Variants in SLC9B1 observed in about 807,000 individuals in gnomAD.
The protein encoded by SLC9B1 is sodium/hydrogen exchanger 9B1.
Under a neutral mutation model 51.7 loss-of-function variants are expected in SLC9B1, and 32 were observed. The ratio of observed to expected loss-of-function variants is 0.62; its 90% confidence interval spans 0.47 to 0.83. The LOEUF is 0.83. Ranked by LOEUF, SLC9B1 falls within the 40% of genes least tolerant of loss-of-function variation. SLC9B1 has a pLI of 0.00. For missense variants in SLC9B1, 406 were observed against 613.2 expected, an observed-to-expected ratio of 0.66 and a Z score of 3.57; for synonymous variants, 145 against 212.7, an observed-to-expected ratio of 0.68 and a Z score of 2.77.
rs200236065 is a variant in SLC9B1, at chr4:102,906,527, T to G, written c.1195+9A>C. ...AATTTCATATTTTTTGTGCTCTAAT[T>G]ATTCTTACCAACAATATTTGATTCA... On this transcript the variant is annotated intron_variant, in intron 10 of 11. Coordinates refer to ENST00000296422, the MANE Select transcript of SLC9B1 (RefSeq NM_139173.4). The G allele has an allele frequency of 8.5e-7, 1 of 1,180,456 alleles. No individual in the cohort carries two copies. Among genetic ancestry groups the G allele is most frequent in the South Asian group, 1.4e-5 (1 of 72,734 alleles). The allele number at this position is 1,180,456 out of a possible 1,614,324, so 73.1% of individuals were successfully genotyped here. A position where few individuals can be genotyped will look rare whatever the true frequency, so the allele number is the denominator to read the frequency against.
chr4:102,985,512 A>T (rs1739566492), intron 3 of SLC9B1, among the ~76,000 whole-genome samples: 1 of 149,966 alleles, frequency 6.7e-6, no homozygotes, highest in Non-Finnish European at 1.5e-5. Context: ...ACATGCGTTT[A>T]CAACTAATAC....
At chr4:102,921,208 A>G (rs1463571884) in intron 7 of SLC9B1, among the ~76,000 whole-genome samples, 2 of 152,234 alleles carry the variant, frequency 1.3e-5, no homozygotes, top group Non-Finnish European at 2.9e-5. Flanking sequence ...CTAACAGTGG[A>G]TCTCTCAGCA....
chr4:102,997,140 G>A (rs763289160), intron 1 of SLC9B1, among the ~76,000 whole-genome samples: 9 of 152,020 alleles, frequency 5.9e-5, no homozygotes, highest in Non-Finnish European at 1.3e-4. Context: ...CACTTTTGTT[G>A]TTCTTCAGAA....
intron 1 of SLC9B1, among the ~76,000 whole-genome samples, chr4:103,013,300 T>C (rs1741169990): frequency 6.6e-6 from 1 of 152,242 alleles, no homozygotes; most frequent in African/African-American, 2.4e-5. Flanking sequence ...TAAATAAAGC[T>C]TCCTGCAATG....
chr4:102,992,472 T>C (rs1739994375), intron 1 of SLC9B1, among the ~76,000 whole-genome samples: 1 of 152,176 alleles, frequency 6.6e-6, no homozygotes, highest in African/African-American at 2.4e-5. Context: ...ATCTATACTT[T>C]TCTAAAAGGA....
At chr4:102,912,783 G>A (rs763979848) in intron 7 of SLC9B1, among the ~76,000 whole-genome samples, 1 of 152,092 alleles carries the variant, frequency 6.6e-6, no homozygotes, top group African/African-American at 2.4e-5. Context: ...GTAGGCTGAG[G>A]GAGGAGGTCC....
intron 11 of SLC9B1, among the ~76,000 whole-genome samples, chr4:102,886,202 A>C (rs891774132): frequency 2.0e-5 from 3 of 152,168 alleles, no homozygotes; most frequent in Non-Finnish European, 4.4e-5. Flanking sequence ...AAACGAATAC[A>C]CGCAGGCCAG....
At chr4:102,924,559 G>T (rs1736060333) in intron 7 of SLC9B1, among the ~76,000 whole-genome samples, 1 of 152,140 alleles carries the variant, frequency 6.6e-6, no homozygotes, top group Non-Finnish European at 1.5e-5. Context: ...TGACAAATGG[G>T]ATCTAATTAA....
intron 1 of SLC9B1, among the ~76,000 whole-genome samples, chr4:102,999,519 C>T (rs546323513): frequency 5.9e-5 from 9 of 152,204 alleles, no homozygotes; most frequent in Non-Finnish European, 1.2e-4. Flanking sequence ...TCTATCTTGG[C>T]TTAAGGTCAT....
intron 3 of SLC9B1, among the ~76,000 whole-genome samples, chr4:102,967,289 A>T (rs964519214): frequency 4.6e-5 from 7 of 152,116 alleles, no homozygotes; most frequent in African/African-American, 1.7e-4. Context: ...AACTTGTCCA[A>T]CTTCTGCCCA....
intron 7 of SLC9B1, 36 bp downstream of exon 7, chr4:102,932,088 T>C (rs376954769): frequency 1.2e-6 from 2 of 1,601,912 alleles, no homozygotes; most frequent in Non-Finnish European, 1.7e-6. Context: ...AAAAAGGTCA[T>C]GAATGATCTA....
intron 1 of SLC9B1, among the ~76,000 whole-genome samples, chr4:102,992,625 G>A (rs1200461749): frequency 6.6e-6 from 1 of 152,072 alleles, no homozygotes; most frequent in Admixed American, 6.6e-5. Flanking sequence ...AATCATAACT[G>A]AATTTATAAC....
chr4:102,955,538 G>C (rs533039828), intron 3 of SLC9B1, among the ~76,000 whole-genome samples: 65 of 152,234 alleles, frequency 4.3e-4, no homozygotes, highest in African/African-American at 1.5e-3. Flanking sequence ...ATTTGGTATG[G>C]AGTAGAGGGA....
chr4:103,003,610 T>G (rs1297916452), intron 1 of SLC9B1, among the ~76,000 whole-genome samples: 2 of 152,210 alleles, frequency 1.3e-5, no homozygotes, highest in South Asian at 2.1e-4. Context: ...CCTTTTGCAC[T>G]GCTGAGGCAG....
intron 1 of SLC9B1, among the ~76,000 whole-genome samples, chr4:103,007,346 A>G (rs572619370): frequency 6.6e-6 from 1 of 152,336 alleles, no homozygotes; most frequent in South Asian, 2.1e-4. Flanking sequence ...CTGTGAGCCA[A>G]ATCAAGAACA....
chr4:102,929,360 G>A (rs1333832079), intron 7 of SLC9B1, among the ~76,000 whole-genome samples: 2 of 152,110 alleles, frequency 1.3e-5, no homozygotes, highest in Non-Finnish European at 2.9e-5. Context: ...CTCTGACCTT[G>A]AGTAAATTAC....
intron 1 of SLC9B1, among the ~76,000 whole-genome samples, chr4:103,002,287 C>T (rs1192165851): frequency 2.0e-5 from 3 of 152,182 alleles, no homozygotes; most frequent in Non-Finnish European, 4.4e-5. Context: ...TTAACATCTT[C>T]AATGTTACAT....
intron 6 of SLC9B1, among the ~76,000 whole-genome samples, chr4:102,940,592 A>G (rs1315237696): frequency 6.6e-6 from 1 of 152,180 alleles, no homozygotes; most frequent in Non-Finnish European, 1.5e-5. Context: ...CAAAGCCAAA[A>G]GCATCACACT....
chr4:103,018,535 G>A lies in SLC9B1; in HGVS notation c.-2+1064C>T, dbSNP rs113968043. ...AAGTGTCATTTTTCATGCTTCTGTT[G>A]CACACATAATTATATTTATCTCTAA... On this transcript the variant is annotated intron_variant, in intron 1 of 11. Transcript: ENST00000296422. 2.4e-3 allele frequency among the ~76,000 whole-genome samples: 362 copies of A among 152,210 alleles called. 1 individual carries two copies. The highest frequency in any genetic ancestry group is 8.4e-3 in the African/African-American group (350 of 41,526).
Sources: allele counts gnomAD v4.1 joint callset (sites outside exome capture counted in the v4.1 genomes callset), GRCh38; gene constraint gnomAD v4.1.1; transcripts MANE v1.5; gene names NCBI Gene and HGNC (gene_info 2026-07-23, HGNC 2026-07-21).